NFATC2: variants seen among roughly 807,000 people sequenced by gnomAD.
NFATC2 encodes nuclear factor of activated T cells 2, also known as nuclear factor of activated T-cells, cytoplasmic 2.
A neutral mutation model predicts 87.3 loss-of-function variants in NFATC2; 22 were observed. That is an observed-to-expected ratio of 0.25 (90% CI 0.18 to 0.36). The LOEUF is 0.36. Among genes scored for constraint, NFATC2 ranks in the 10% least tolerant of loss-of-function variants. The pLI is 1.00. For synonymous variants in NFATC2, 565 were observed against 542.2 expected (o/e 1.04, Z -0.58); for missense variants, 1,149 against 1,259.1 (o/e 0.91, Z 1.32).
rs1370236054 is a variant in NFATC2 at position 51,454,578 on chromosome 20, A to G, written c.1819T>C (p.Ser607Pro). 1 of 1,614,046 alleles carries G rather than the reference A, an allele frequency of 6.2e-7. No homozygotes were observed. Among genetic ancestry groups the G allele is most frequent in the Admixed American group, 1.7e-5 (1 of 60,022 alleles). The change falls in exon 6 of 11, where the codon TCC (serine) becomes CCC (proline). Residue 607 changes from serine (S) to proline (P), a missense_variant. By Grantham distance (74) the Ser-to-Pro change is moderately conservative. Transcript: ENST00000371564. Reference sequence around the variant, plus strand: ...GTCTTCTCAGTAAACACAACTTTGGACTCGGATGTAAAGTTCTGCCCCGTG... The same window carrying G: ...GTCTTCTCAGTAAACACAACTTTGGGCTCGGATGTAAAGTTCTGCCCCGTG... The part of the protein sequence containing the change: ...ILTGQNFTSE[S>P]KVVFTEKTTD...
chr20:51,459,772 G>C (rs1451355306), intron 5 of NFATC2, among the ~76,000 whole-genome samples: 1 of 152,096 alleles, frequency 6.6e-6, no homozygotes, highest in Non-Finnish European at 1.5e-5. Context: ...CCGGCTACTT[G>C]GGTGGCTGAG....
chr20:51,514,808 G>C lies in NFATC2; in HGVS notation c.1332+1976C>G, dbSNP rs1265899341. ...GAATCACCTGAACCCAGGAGGCAGA[G>C]GTTGCAGTGAGCCAAGATTACACCA... On this transcript the variant is annotated intron_variant, in intron 3 of 10. Coordinates refer to ENST00000371564, the MANE Select transcript of NFATC2 (RefSeq NM_012340.5). 2.0e-5 allele frequency among the ~76,000 whole-genome samples: 3 copies of C among 152,208 alleles called. No homozygotes were observed. The East Asian group carries it at 5.8e-4, about 29-fold the overall frequency.
At chr20:51,546,444 C>A (rs552368848), upstream of NFATC2, among the ~76,000 whole-genome samples, 1 of 152,172 alleles carries the variant, frequency 6.6e-6, no homozygotes, top group Non-Finnish European at 1.5e-5. Context: ...AATGCATGAG[C>A]TTTATGCATC....
intron 6 of NFATC2, among the ~76,000 whole-genome samples, chr20:51,442,130 T>C (rs1489225523): frequency 1.3e-5 from 2 of 152,126 alleles, no homozygotes; most frequent in Non-Finnish European, 2.9e-5. Flanking sequence ...CATGACCCTG[T>C]TATATTAAAA....
At chr20:51,479,495 C>T (rs374418669) in intron 3 of NFATC2, among the ~76,000 whole-genome samples, 33 of 152,144 alleles carry the variant, frequency 2.2e-4, no homozygotes, top group African/African-American at 6.3e-4. Flanking sequence ...GTCGCACGTC[C>T]GTAGTCTCAG....
chr20:51,472,225 A>G (rs1336884981), intron 5 of NFATC2, among the ~76,000 whole-genome samples: 1 of 152,256 alleles, frequency 6.6e-6, no homozygotes, highest in Non-Finnish European at 1.5e-5. Context: ...ACGGCACTCC[A>G]GCCTGGATCA....
chr20:51,427,676 C>A (rs1982048253), intron 9 of NFATC2, among the ~76,000 whole-genome samples: 1 of 152,208 alleles, frequency 6.6e-6, no homozygotes, highest in Non-Finnish European at 1.5e-5. Flanking sequence ...GAGTTCACGG[C>A]CTCCGCCACC....
At position 51,394,530 on chromosome 20, in the gene NFATC2, G is replaced by A. The variant is rs189585353; in HGVS notation, c.*45-3079C>T. Among the ~76,000 whole-genome samples the A allele has an allele frequency of 4.6e-5, 7 of 151,916 alleles. No homozygotes were observed. The East Asian group carries it at 1.2e-3, about 25-fold the overall frequency. ...CCTCCTTGGCAAAGCCCCCCTTGGTGGCCACCCCCAGCCCAGTCGCACTCC... is the reference window on the plus strand; with the variant it reads ...CCTCCTTGGCAAAGCCCCCCTTGGTAGCCACCCCCAGCCCAGTCGCACTCC... On this transcript the variant is annotated intron_variant, in intron 10 of 10. Transcript: ENST00000371564.
intron 2 of NFATC2, among the ~76,000 whole-genome samples, chr20:51,519,787 G>T (rs1337769622): frequency 1.3e-5 from 2 of 150,090 alleles, no homozygotes. Context: ...GTGGTGGCAG[G>T]TGCCTGTAAT....
chr20:51,422,573 T>TC (rs1037017886), intron 9 of NFATC2, among the ~76,000 whole-genome samples: 7 of 150,976 alleles, frequency 4.6e-5, no homozygotes, highest in Admixed American at 4.6e-4. Flanking sequence ...ACCCCTCTTT[T>TC]TTTTTTTTTT....
At position 51,398,637 on chromosome 20, in the gene NFATC2, G is replaced by C. The variant is rs545872725; in HGVS notation, c.*44+6C>G. 5.1e-6 allele frequency: 8 copies of C among 1,582,334 alleles called. No individual in the cohort carries two copies. The African/African-American group carries it at 6.8e-5, about 13-fold the overall frequency. ...AACAAAAGGAGAAGCAGAAGATATC[G>C]ATTACCTTTAACTTTGATTTCTCGG... On this transcript the variant is annotated splice_donor_region_variant and intron_variant, in intron 10 of 10. Transcript: ENST00000371564.
chr20:51,558,471 G>T (rs970147794), intron 1 of NFATC2, among the ~76,000 whole-genome samples: 1 of 151,490 alleles, frequency 6.6e-6, no homozygotes, highest in Non-Finnish European at 1.5e-5. Flanking sequence ...TTGGATTTAG[G>T]CATTGGTTTT....
chr20:51,420,614 C>A (rs1170271469), intron 9 of NFATC2, among the ~76,000 whole-genome samples: 1 of 152,078 alleles, frequency 6.6e-6, no homozygotes, highest in Non-Finnish European at 1.5e-5. Flanking sequence ...TAGATTTAAT[C>A]TAGGGGAAGA....
intron 1 of NFATC2, among the ~76,000 whole-genome samples, chr20:51,561,464 AAAGAAAGAAAGAAAGAAAGAAAGCAAGC>A (rs1568765748): frequency 1.3e-4 from 17 of 134,486 alleles, no homozygotes; most frequent in East Asian, 6.7e-4. Flanking sequence ...AGAAAGAAAG[AAAGAAAGAAAGAAAGAAAGAAAGCAAGC>A]AAGCAAGCAA....
At chr20:51,483,554 G>T (rs1989451049) in intron 3 of NFATC2, among the ~76,000 whole-genome samples, 1 of 151,356 alleles carries the variant, frequency 6.6e-6, no homozygotes, top group Non-Finnish European at 1.5e-5. Flanking sequence ...TCTATTTTGG[G>T]GTGCTAAAGT....
Position 51,474,033 on chromosome 20 carries a change from T to G in NFATC2, c.1655A>C (p.Glu552Ala). 1 of 1,614,270 alleles carries G rather than the reference T, an allele frequency of 6.2e-7. No individual in the cohort carries two copies. Among genetic ancestry groups the G allele is most frequent in the Non-Finnish European group, 8.5e-7 (1 of 1,180,048 alleles). The change falls in exon 5 of 11, where the codon GAG (glutamate) becomes GCG (alanine). Residue 552 changes from glutamate (E) to alanine (A), a missense_variant. Transcript: ENST00000371564. ...VRLVFRVHIP[E>A]SSGRIVSLQT... is the part of the protein sequence containing the mutation. ...TAAAGAGACGATTCTGCCACTGGAC[T>G]CTGGGATGTGAACTCGGAAAACCAG...
chr20:51,484,899 C>G (rs1989579487), intron 3 of NFATC2, among the ~76,000 whole-genome samples: 1 of 152,170 alleles, frequency 6.6e-6, no homozygotes, highest in Non-Finnish European at 1.5e-5. Flanking sequence ...GATCAGCCGC[C>G]CTGCTGATAG....
At chr20:51,501,832 A>G (rs2076094378) in intron 3 of NFATC2, among the ~76,000 whole-genome samples, 2 of 152,174 alleles carry the variant, frequency 1.3e-5, no homozygotes, top group African/African-American at 4.8e-5. Context: ...CTTTTTCTGT[A>G]AAGGACAAGA....
In NFATC2 at chr20:51,542,325, C is replaced by G. The variant is rs749973798; in HGVS notation, c.130+45G>C. On this transcript the variant is annotated intron_variant, in intron 1 of 10. Transcript: ENST00000371564. Reference sequence around the variant, plus strand: ...CCTGTGCCCAGTCCCCAGGCCTGAGCCCCTGGCGGGCTCAGGGGCCAGGCC... The same window carrying G: ...CCTGTGCCCAGTCCCCAGGCCTGAGGCCCTGGCGGGCTCAGGGGCCAGGCC... 13 of 1,582,516 alleles carry G rather than the reference C, an allele frequency of 8.2e-6. 1 individual carries two copies. In the South Asian group the frequency reaches 1.5e-4, roughly 18 times the overall value.
Sources: allele counts gnomAD v4.1 joint callset (sites outside exome capture counted in the v4.1 genomes callset), GRCh38; gene constraint gnomAD v4.1.1; transcripts MANE v1.5; gene names NCBI Gene and HGNC (gene_info 2026-07-23, HGNC 2026-07-21).